The following DOCK3 variants were observed in gnomAD, a reference collection of about 807,000 sequenced individuals.
DOCK3 encodes dedicator of cytokinesis 3.
In DOCK3, 60 loss-of-function variants were observed where a neutral mutation model predicts 265.6. The ratio of observed to expected loss-of-function variants is 0.23; its 90% CI spans 0.18 to 0.28. The LOEUF is 0.28. DOCK3 is among the 10% of genes least tolerant of loss of function. DOCK3 has a pLI of 1.00. For synonymous variants in DOCK3, 881 were observed against 938.0 expected (o/e 0.94, Z 1.11); for missense variants, 1,981 against 2,594.3 (o/e 0.76, Z 5.14).
chr3:51,318,396 A>C (rs535904346), intron 32 of DOCK3, among the ~76,000 whole-genome samples: 1 of 152,292 alleles, frequency 6.6e-6, no homozygotes, highest in East Asian at 1.9e-4. Flanking sequence ...TTATATATAT[A>C]TCAAATTGGG....
chr3:51,343,928 A>T (rs1426889865), intron 38 of DOCK3, among the ~76,000 whole-genome samples: 3 of 152,200 alleles, frequency 2.0e-5, no homozygotes, highest in African/African-American at 7.2e-5. Flanking sequence ...ACAGACAGTC[A>T]GCTCTCCCAG....
intron 5 of DOCK3, among the ~76,000 whole-genome samples, chr3:51,007,280 C>A (rs1043512726): frequency 2.6e-5 from 4 of 152,194 alleles, no homozygotes; most frequent in African/African-American, 7.2e-5. Flanking sequence ...TCCTCTCCAG[C>A]ACCTGTTGTT....
At chr3:50,944,024 C>T (rs962198585) in intron 5 of DOCK3, among the ~76,000 whole-genome samples, 2 of 152,144 alleles carry the variant, frequency 1.3e-5, no homozygotes, top group African/African-American at 4.8e-5. Context: ...AATTATATGT[C>T]TCTCCAGATA....
chr3:50,722,372 A>G (rs1293240402), intron 1 of DOCK3, among the ~76,000 whole-genome samples: 1 of 152,252 alleles, frequency 6.6e-6, no homozygotes, highest in Non-Finnish European at 1.5e-5. Flanking sequence ...GTAGATATTA[A>G]GAATTTTACC....
At chr3:51,051,884 A>C (rs529426895) in intron 5 of DOCK3, among the ~76,000 whole-genome samples, 7 of 152,162 alleles carry the variant, frequency 4.6e-5, no homozygotes, top group Admixed American at 3.9e-4. Context: ...GAGAGGTGCC[A>C]TACACTTTTA....
intron 9 of DOCK3, among the ~76,000 whole-genome samples, chr3:51,106,515 T>G (rs901968184): frequency 2.0e-5 from 3 of 152,186 alleles, no homozygotes; most frequent in African/African-American, 7.2e-5. Flanking sequence ...TACATGAGTG[T>G]CCTTGCCCTT....
chr3:50,709,315 G>T (rs2107896505), intron 1 of DOCK3, among the ~76,000 whole-genome samples: 1 of 152,010 alleles, frequency 6.6e-6, no homozygotes, highest in East Asian at 1.9e-4. Flanking sequence ...AGAAATTTCT[G>T]TATAGAAGCT....
chr3:50,978,822 G>A (rs1316396163), intron 5 of DOCK3, among the ~76,000 whole-genome samples: 3 of 152,204 alleles, frequency 2.0e-5, no homozygotes, highest in East Asian at 1.9e-4. Flanking sequence ...GACCCTCCGA[G>A]CCACGTGCGG....
In DOCK3 at chr3:51,086,797, AAAAAC is replaced by A. The variant is rs562538367; in HGVS notation, c.550-2428_550-2424del. Among the ~76,000 whole-genome samples the A allele has an allele frequency of 6.2e-3, 950 of 152,270 alleles. 4 individuals are homozygous for A. Among genetic ancestry groups the A allele is most frequent in the Non-Finnish European group, 0.011 (723 of 68,004 alleles). Reference sequence around the variant, plus strand: ...TGGGCGACAGAGTGAGACTCATCCCAAAAACAAAACAAAACAAAACAAGGAATCAT... The same window carrying A: ...TGGGCGACAGAGTGAGACTCATCCCAAAAACAAAACAAAACAAGGAATCAT... On this transcript the variant is annotated intron_variant, in intron 7 of 52. Coordinates refer to ENST00000266037, the MANE Select transcript of DOCK3 (RefSeq NM_004947.5).
At chr3:50,735,970 A>G (rs2038570317) in intron 1 of DOCK3, among the ~76,000 whole-genome samples, 1 of 152,238 alleles carries the variant, frequency 6.6e-6, no homozygotes, top group East Asian at 1.9e-4. Context: ...TTACATATGT[A>G]TACATGTGCC....
chr3:51,249,313 T>C (rs1576533834), intron 22 of DOCK3, among the ~76,000 whole-genome samples: 1 of 121,328 alleles, frequency 8.2e-6, no homozygotes, highest in Non-Finnish European at 1.7e-5. Context: ...AGCCGCCCCG[T>C]CCGGGAGGGA....
chr3:51,058,165 G>A (rs2081271185), intron 5 of DOCK3, among the ~76,000 whole-genome samples: 2 of 152,114 alleles, frequency 1.3e-5, no homozygotes, highest in African/African-American at 4.8e-5. Context: ...CAGCTCCCAA[G>A]AACATGCATT....
chr3:50,721,653 G>C (rs2037479732), intron 1 of DOCK3, among the ~76,000 whole-genome samples: 1 of 152,098 alleles, frequency 6.6e-6, no homozygotes, highest in South Asian at 2.1e-4. Context: ...TTTGTTCTTT[G>C]CTTAGGATTG....
chr3:51,017,960 T>C (rs556332688), intron 5 of DOCK3, among the ~76,000 whole-genome samples: 2 of 151,754 alleles, frequency 1.3e-5, no homozygotes, highest in Non-Finnish European at 2.9e-5. Context: ...TGGCACGATC[T>C]CGGCTCACTG....
chr3:50,941,454 A>G (rs2076292643), intron 5 of DOCK3, among the ~76,000 whole-genome samples: 1 of 152,114 alleles, frequency 6.6e-6, no homozygotes, highest in South Asian at 2.1e-4. Context: ...TCTCTCATAC[A>G]TTGCTGGTTA....
At chr3:50,728,786 G>A (rs900386177) in intron 1 of DOCK3, among the ~76,000 whole-genome samples, 12 of 150,588 alleles carry the variant, frequency 8.0e-5, no homozygotes, top group African/African-American at 1.7e-4. Context: ...GCAGTGGTGC[G>A]ATCTCGGCTC....
chr3:50,774,418 T>C (rs1185207229), intron 1 of DOCK3, among the ~76,000 whole-genome samples: 1 of 152,056 alleles, frequency 6.6e-6, no homozygotes, highest in East Asian at 1.9e-4. Flanking sequence ...TGTAGAGTTC[T>C]TCTACATGTC....
chr3:51,271,047 G>A, intron 24 of DOCK3, 40 bp downstream of exon 24: 1 of 1,577,114 alleles, frequency 6.3e-7, no homozygotes, highest in Non-Finnish European at 8.6e-7. Context: ...TCCTTCCAGG[G>A]GTGTCCTCCT....
chr3:50,723,137 A>C (rs138976166), intron 1 of DOCK3, among the ~76,000 whole-genome samples: 5 of 152,178 alleles, frequency 3.3e-5, no homozygotes, highest in Admixed American at 3.3e-4. Flanking sequence ...TTTTAGAACC[A>C]GAAAGTAGAG....
Sources: allele counts gnomAD v4.1 joint callset (sites outside exome capture counted in the v4.1 genomes callset), GRCh38; gene constraint gnomAD v4.1.1; transcripts MANE v1.5; gene names NCBI Gene and HGNC (gene_info 2026-07-23, HGNC 2026-07-21).